Variants in PRKCH observed in about 807,000 individuals in gnomAD.
PRKCH encodes protein kinase C eta type.
Under a neutral mutation model 82.5 loss-of-function variants are expected in PRKCH, and 28 were observed. That is an observed-to-expected ratio of 0.34 (90% confidence interval 0.25 to 0.47). The LOEUF is 0.47. Ranked by LOEUF, PRKCH falls within the 20% of genes least tolerant of loss-of-function variation. PRKCH has a pLI of 1.00. For synonymous variants in PRKCH, 322 were observed against 327.4 expected (o/e 0.98, Z 0.18); for missense variants, 705 against 881.8 (o/e 0.80, Z 2.54).
At position 61,330,006 on chromosome 14, in the gene PRKCH, A is replaced by G. The variant is rs112661698; in HGVS notation, c.363+7542A>G. Among the ~76,000 whole-genome samples the G allele has an allele frequency of 4.4e-3, 668 of 152,370 alleles. 6 individuals are homozygous for G. The highest frequency in any genetic ancestry group is 0.014 in the African/African-American group (597 of 41,590). ...GCCCTAGGTGAGCATCCAGCCACCA[A>G]TGAGCATGTACTAAGTACCAGGCAT... On this transcript the variant is annotated intron_variant, in intron 1 of 13. Transcript: ENST00000332981.
chr14:61,256,184 C>G (rs1053514001), intron 1 of PRKCH, among the ~76,000 whole-genome samples: 1 of 152,206 alleles, frequency 6.6e-6, no homozygotes, highest in African/African-American at 2.4e-5. Context: ...ATTTCTGTCT[C>G]ATCACCAGAG....
chr14:61,258,912 C>T (rs188317042), intron 1 of PRKCH, among the ~76,000 whole-genome samples: 76 of 152,276 alleles, frequency 5.0e-4, no homozygotes, highest in African/African-American at 1.7e-3. Context: ...GAATGTTAGT[C>T]TCAGTGATTG....
intron 1 of PRKCH, among the ~76,000 whole-genome samples, chr14:61,381,191 G>A (rs939196939): frequency 3.3e-5 from 5 of 152,308 alleles, no homozygotes; most frequent in Non-Finnish European, 5.9e-5. Flanking sequence ...CTAGTGGCAG[G>A]TAGGCAATGT....
chr14:61,242,563 A>G (rs2044848369), intron 1 of PRKCH, among the ~76,000 whole-genome samples: 1 of 151,942 alleles, frequency 6.6e-6, no homozygotes, highest in Non-Finnish European at 1.5e-5. Flanking sequence ...AGCCCAGCTA[A>G]GTTTTTGTAT....
intron 1 of PRKCH, among the ~76,000 whole-genome samples, chr14:61,190,947 G>GA (rs765531587): frequency 2.5e-4 from 38 of 152,038 alleles, no homozygotes; most frequent in Non-Finnish European, 4.6e-4. Flanking sequence ...AATTTAGGGT[G>GA]AAAAAAATAA....
intron 10 of PRKCH, 115 bp from the exon 11 acceptor site, chr14:61,528,950 TCATGCGGCCG>T (rs1024004100): frequency 3.5e-6 from 3 of 858,146 alleles, no homozygotes; most frequent in Admixed American, 3.2e-5. Flanking sequence ...TACAGGAAGC[TCATGCGGCCG>T]CATGTGGCCG....
At chr14:61,210,314 A>T (rs996431277) in intron 1 of PRKCH, among the ~76,000 whole-genome samples, 7 of 151,332 alleles carry the variant, frequency 4.6e-5, no homozygotes, top group African/African-American at 1.7e-4. Context: ...ACTCGGTCTC[A>T]GAAAAAATAA....
chr14:61,328,130 G>T (rs946663205), intron 1 of PRKCH, among the ~76,000 whole-genome samples: 4 of 151,476 alleles, frequency 2.6e-5, no homozygotes, highest in African/African-American at 9.7e-5. Flanking sequence ...GGCGCCTGTA[G>T]TCCCAGCTAC....
rs552376568 is a variant in PRKCH, at chr14:61,344,898, A to AC, written c.363+22440dup. On this transcript the variant is annotated intron_variant, in intron 1 of 13. Coordinates refer to ENST00000332981, the MANE Select transcript of PRKCH (RefSeq NM_006255.5). ...ATTTTTAGCCCGGTGGCCACCCTGA[A>AC]CCCCCCAGTTGATTGATTGAGGCTA... is the stretch of plus-strand genomic sequence containing the variant. 9.9e-5 allele frequency among the ~76,000 whole-genome samples: 15 copies of AC among 151,816 alleles called. No homozygotes were observed. In the East Asian group the frequency reaches 2.7e-3, roughly 27 times the overall value.
chr14:61,438,622 T>G lies in PRKCH; in HGVS notation c.428-4489T>G, dbSNP rs537962463. Among the ~76,000 whole-genome samples, 3 of 152,260 alleles carry G rather than the reference T, an allele frequency of 2.0e-5. No individual in the cohort carries two copies. The South Asian group carries it at 6.2e-4, about 32-fold the overall frequency. On this transcript the variant is annotated intron_variant, in intron 2 of 13. Transcript: ENST00000332981. The stretch of plus-strand genomic sequence containing the variant: ...GTTTTTGAGTTAAAGTTACAACAGT[T>G]TACAGAATCACAGCAACCGAGAATA...
chr14:61,389,561 T>C (rs1416551191), intron 1 of PRKCH, among the ~76,000 whole-genome samples: 1 of 151,514 alleles, frequency 6.6e-6, no homozygotes, highest in African/African-American at 2.4e-5. Flanking sequence ...GCAAGCTGGT[T>C]ATGGTGGCAC....
At chr14:61,288,579 T>C (rs2045335533) in intron 1 of PRKCH, among the ~76,000 whole-genome samples, 1 of 152,182 alleles carries the variant, frequency 6.6e-6, no homozygotes. Flanking sequence ...GAATAGTAAC[T>C]CTGAATTCGT....
At chr14:61,447,601 C>A (rs1566887501) in intron 4 of PRKCH, among the ~76,000 whole-genome samples, 1 of 152,076 alleles carries the variant, frequency 6.6e-6, no homozygotes, top group Non-Finnish European at 1.5e-5. Context: ...TCTTCTTAGA[C>A]CACAATGGAA....
chr14:61,297,586 T>C (rs1217726994), intron 1 of PRKCH, among the ~76,000 whole-genome samples: 1 of 152,230 alleles, frequency 6.6e-6, no homozygotes, highest in African/African-American at 2.4e-5. Context: ...ATGAAACTGT[T>C]CTACCTCACA....
intron 1 of PRKCH, among the ~76,000 whole-genome samples, chr14:61,331,543 AC>A (rs1460517166): frequency 2.6e-5 from 4 of 152,070 alleles, no homozygotes; most frequent in African/African-American, 7.2e-5. Context: ...AACAACAACA[AC>A]AAAAAAACCC....
intron 2 of PRKCH, among the ~76,000 whole-genome samples, chr14:61,425,257 G>A (rs1883049817): frequency 6.6e-6 from 1 of 152,164 alleles, no homozygotes. Flanking sequence ...CCATCTGCTT[G>A]CACTGGGCAC....
chr14:61,227,564 G>T (rs1309618817), intron 1 of PRKCH, among the ~76,000 whole-genome samples: 2 of 152,102 alleles, frequency 1.3e-5, no homozygotes, highest in African/African-American at 4.8e-5. Flanking sequence ...CTGCACTCCA[G>T]CCTGGGCAAA....
intron 3 of PRKCH, among the ~76,000 whole-genome samples, chr14:61,445,016 G>T (rs1204544314): frequency 6.6e-6 from 1 of 152,152 alleles, no homozygotes; most frequent in African/African-American, 2.4e-5. Context: ...TTTTTGTGAG[G>T]ATTAAATGAA....
chr14:61,498,261 C>G (rs1886752477), intron 10 of PRKCH, among the ~76,000 whole-genome samples: 2 of 152,126 alleles, frequency 1.3e-5, no homozygotes, highest in South Asian at 4.1e-4. Flanking sequence ...TGATCCCCTA[C>G]CTGGGCTTCA....
Sources: gnomAD v4.1 joint callset for allele counts (sites outside exome capture counted in the v4.1 genomes callset) on GRCh38, gnomAD v4.1.1 for gene constraint, MANE v1.5 for transcripts, NCBI Gene and HGNC (gene_info 2026-07-23, HGNC 2026-07-21) for gene names.